TGFB1: variants seen among roughly 807,000 people sequenced by gnomAD.
The protein encoded by TGFB1 is transforming growth factor beta-1 proprotein.
A neutral mutation model predicts 43.8 loss-of-function variants in TGFB1; 19 were observed. The observed-to-expected ratio is 0.43, with a 90% CI of 0.30 to 0.64. The LOEUF (loss-of-function observed/expected upper bound fraction) is 0.64, where lower values mean the gene tolerates loss of function less well. Among genes scored for constraint, TGFB1 ranks in the 30% least tolerant of loss-of-function variants. The pLI is 0.11. For synonymous variants in TGFB1, 221 were observed against 236.3 expected (o/e 0.94, Z 0.60); for missense variants, 445 against 529.8 (o/e 0.84, Z 1.57).
chr19:41,348,681 T>A (rs928167210), intron 1 of TGFB1, among the ~76,000 whole-genome samples: 2 of 151,496 alleles, frequency 1.3e-5, no homozygotes, highest in Non-Finnish European at 2.9e-5. Context: ...TGGAGTGCAG[T>A]GGCGCAATCT....
chr19:41,346,350 C>A (rs545493009), intron 2 of TGFB1, among the ~76,000 whole-genome samples: 3 of 151,952 alleles, frequency 2.0e-5, no homozygotes, highest in Non-Finnish European at 4.4e-5. Context: ...AACTCCATCA[C>A]ACACACACAC....
chr19:41,352,540 C>A (rs1232639279), intron 1 of TGFB1, 150 bp downstream of exon 1: 2 of 962,100 alleles, frequency 2.1e-6, no homozygotes, highest in Middle Eastern at 3.0e-4. Context: ...CTTTCGGACA[C>A]CCCCCTCCCA....
At chr19:41,335,055 T>TC (rs1006288796) in intron 5 of TGFB1, among the ~76,000 whole-genome samples, 3 of 141,806 alleles carry the variant, frequency 2.1e-5, no homozygotes, top group African/African-American at 8.2e-5. Flanking sequence ...GTGTCCGGAA[T>TC]CTTTTTTTTT....
At chr19:41,336,526 A>C (rs556413829) in intron 5 of TGFB1, among the ~76,000 whole-genome samples, 26 of 151,532 alleles carry the variant, frequency 1.7e-4, no homozygotes, top group South Asian at 6.2e-4. Flanking sequence ...GCTGGGACAA[A>C]AGGTACACAC....
intron 1 of TGFB1, among the ~76,000 whole-genome samples, chr19:41,351,388 A>T (rs2038191828): frequency 6.6e-6 from 1 of 152,148 alleles, no homozygotes; most frequent in Non-Finnish European, 1.5e-5. Context: ...GGGCCGGCTG[A>T]GTGGGAGCCC....
chr19:41,335,854 C>T (rs760958024), intron 5 of TGFB1, among the ~76,000 whole-genome samples: 1 of 149,966 alleles, frequency 6.7e-6, no homozygotes, highest in Non-Finnish European at 1.5e-5. Context: ...AAAGACCCAA[C>T]AGAGACTGTT....
chr19:41,330,809 G>A lies in TGFB1; in HGVS notation c.*243C>T, dbSNP rs2123076743. ...CCTTGATGCCGGGCAAAGGAATAGT[G>A]CAGACAGGCAGGAGGAGGCAGAGAG... On this transcript the variant is annotated 3_prime_UTR_variant, in exon 7 of 7. Transcript: ENST00000221930. 4.0e-6 allele frequency: 2 copies of A among 500,900 alleles called. No individual in the cohort carries two copies. Among genetic ancestry groups the A allele is most frequent in the African/African-American group, 2.1e-5 (1 of 48,556 alleles). 31.0% of individuals were successfully genotyped at this position (500,900 alleles called of 1,614,324 possible). A position where few individuals can be genotyped will look rare whatever the true frequency, so the allele number is the denominator to read the frequency against.
intron 1 of TGFB1, among the ~76,000 whole-genome samples, chr19:41,352,343 ACCC>A (rs11307639): frequency 3.6e-4 from 30 of 83,556 alleles, no homozygotes; most frequent in African/African-American, 1.3e-3. Context: ...GCACCCCACG[ACCC>A]CCCCCCCCAT....
intron 2 of TGFB1, among the ~76,000 whole-genome samples, chr19:41,345,130 G>A (rs1336107466): frequency 3.3e-5 from 5 of 152,166 alleles, no homozygotes; most frequent in Non-Finnish European, 7.3e-5. Context: ...TTGCCTTCTC[G>A]AGGCCTGTTT....
chr19:41,351,797 C>G (rs1599897158), intron 1 of TGFB1, among the ~76,000 whole-genome samples: 1 of 102,016 alleles, frequency 9.8e-6, no homozygotes, highest in Admixed American at 8.4e-5. Flanking sequence ...CTGCATCCTG[C>G]GGGGAATGCA....
At position 41,341,951 on chromosome 19, in the gene TGFB1, C is replaced by T. The variant is rs200558128; in HGVS notation, c.792G>A (p.Pro264=). Reference sequence around the variant, plus strand: ...TTTGCAGATGCTGGGCCCTCTCCAGCGGGGTGGCCATGAGAAGCAGGAAAG... The same window carrying T: ...TTTGCAGATGCTGGGCCCTCTCCAGTGGGGTGGCCATGAGAAGCAGGAAAG... The part of the protein sequence containing the change: ...NRPFLLLMAT[P]LERAQHLQSS... The change falls in exon 5 of 7, where the codon CCG becomes CCA. Residue 264 remains proline, a synonymous_variant. Transcript: ENST00000221930. 1.8e-5 allele frequency: 29 copies of T among 1,614,044 alleles called. No individual in the cohort carries two copies. The highest frequency in any genetic ancestry group is 4.4e-5 in the South Asian group (4 of 91,088).
Position 41,353,346 on chromosome 19 carries a change from A to C in TGFB1, c.-302T>G. 1.7e-5 allele frequency: 6 copies of C among 344,142 alleles called. No individual in the cohort carries two copies. Among genetic ancestry groups the C allele is most frequent in the East Asian group, 5.0e-5 (1 of 19,822 alleles). 21.3% of individuals were successfully genotyped at this position (344,142 alleles called of 1,614,324 possible). A position where few individuals can be genotyped will look rare whatever the true frequency, so the allele number is the denominator to read the frequency against. On this transcript the variant is annotated 5_prime_UTR_variant, in exon 1 of 7. Coordinates refer to ENST00000221930, the MANE Select transcript of TGFB1 (RefSeq NM_000660.7). This position sits in a 1 kb window ranked among gnomAD's most constrained non-coding sequence, Gnocchi z 5.9. ...TCTCCTGGAGGAGAAAGGGTCTAGG[A>C]TGCGCGGGGGCTCAGGAGACAGGCC...
intron 5 of TGFB1, among the ~76,000 whole-genome samples, chr19:41,334,424 CTT>C (rs750640294): frequency 0.15 from 17,014 of 116,132 alleles, 1,070 homozygotes; most frequent in East Asian, 0.25. Context: ...TTGACAATGC[CTT>C]TTTTTTTTTT....
chr19:41,331,155 A>G lies in TGFB1; in HGVS notation c.1070T>C (p.Val357Ala). Residue 357 changes from valine (V) to alanine (A), a missense_variant, in exon 7 of 7, where the codon GTG becomes GCG. This residue lies in a region of TGFB1 where 56 missense variants were observed against 46.9 expected (regional missense o/e 1.19). Transcript: ENST00000221930. ...NPGASAAPCC[V>A]PQALEPLPIV... ...GGGCAGCGGCTCCAGCGCCTGCGGC[A>G]CGCAGCACGGCGCCGCCGAGGCGCC... is the stretch of plus-strand genomic sequence containing the variant. 3 of 1,564,618 alleles carry G rather than the reference A, an allele frequency of 1.9e-6. No homozygotes were observed. The highest frequency in any genetic ancestry group is 2.6e-6 in the Non-Finnish European group (3 of 1,157,142).
chr19:41,342,372 C>T, intron 3 of TGFB1, 125 bp from the exon 4 acceptor site: 3 of 832,662 alleles, frequency 3.6e-6, no homozygotes, highest in Non-Finnish European at 5.9e-6. Context: ...CCACTCTGCC[C>T]TCTCACTGCA....
chr19:41,352,565 C>T, intron 1 of TGFB1, 125 bp downstream of exon 1: 2 of 1,188,474 alleles, frequency 1.7e-6, no homozygotes, highest in Non-Finnish European at 2.4e-6. Context: ...CACACGTTCC[C>T]TTTGCCCCGG....
chr19:41,345,665 G>A (rs1043791524), intron 2 of TGFB1, among the ~76,000 whole-genome samples: 6 of 150,532 alleles, frequency 4.0e-5, no homozygotes, highest in Non-Finnish European at 8.9e-5. Context: ...ACTTTGGGAG[G>A]CCAAGGCGGG....
At chr19:41,340,709 A>C (rs756439425) in intron 5 of TGFB1, among the ~76,000 whole-genome samples, 18 of 152,212 alleles carry the variant, frequency 1.2e-4, no homozygotes, top group Non-Finnish European at 2.4e-4. Context: ...TGAATATTTC[A>C]AAACAGAATT....
intron 1 of TGFB1, among the ~76,000 whole-genome samples, chr19:41,351,579 G>A (rs2038195431): frequency 1.3e-5 from 2 of 152,184 alleles, no homozygotes; most frequent in South Asian, 2.1e-4. Context: ...CACCCTGAGA[G>A]GAACTGGGAC....
Sources: allele counts gnomAD v4.1 joint callset (sites outside exome capture counted in the v4.1 genomes callset), GRCh38; gene constraint gnomAD v4.1.1; regional missense constraint gnomAD v4.1.1; non-coding constraint Gnocchi (gnomAD v3.1); transcripts MANE v1.5; gene names NCBI Gene and HGNC (gene_info 2026-07-23, HGNC 2026-07-21).